The following CACNA2D3 variants were observed in gnomAD, a reference collection of about 807,000 sequenced individuals.
CACNA2D3 encodes the protein calcium voltage-gated channel auxiliary subunit alpha2delta 3, also known as voltage-dependent calcium channel subunit alpha-2/delta-3.
Under a neutral mutation model 160.6 loss-of-function variants are expected in CACNA2D3, and 60 were observed. The observed-to-expected ratio is 0.37, with a 90% CI of 0.30 to 0.46. The LOEUF is 0.46. CACNA2D3 is among the 20% of genes least tolerant of loss of function. CACNA2D3 has a pLI of 1.00. For missense variants in CACNA2D3, 1,205 were observed against 1,365.0 expected, an observed-to-expected ratio of 0.88 and a Z score of 1.85; for synonymous variants, 558 against 492.9, an observed-to-expected ratio of 1.13 and a Z score of -1.75.
At chr3:54,993,046 AG>A (rs1702776840) in intron 31 of CACNA2D3, among the ~76,000 whole-genome samples, 1 of 152,168 alleles carries the variant, frequency 6.6e-6, no homozygotes, top group African/African-American at 2.4e-5. Flanking sequence ...AGCAGTACCA[AG>A]GGGGGAAATC....
rs148597553 is a variant in CACNA2D3 at position 54,321,714 on chromosome 3, C to T, written c.321+1156C>T. On this transcript the variant is annotated intron_variant, in intron 3 of 37. Transcript: ENST00000474759. Reference sequence around the variant, plus strand: ...CCCCAGTCATAATGACCCCAGAGTCCGCATTCTTTACTGCCGCCTTGCTTT... The same window carrying T: ...CCCCAGTCATAATGACCCCAGAGTCTGCATTCTTTACTGCCGCCTTGCTTT... Among the ~76,000 whole-genome samples the T allele has an allele frequency of 1.3e-3, 196 of 152,164 alleles. 3 individuals carry two copies. The highest frequency in any genetic ancestry group is 4.5e-3 in the African/African-American group (185 of 41,518).
intron 35 of CACNA2D3, among the ~76,000 whole-genome samples, chr3:55,024,043 T>A: frequency 8.0e-6 from 1 of 124,576 alleles, no homozygotes; most frequent in South Asian, 3.1e-4. Flanking sequence ...TTGCCCAGTC[T>A]ACCATGTTAT....
intron 11 of CACNA2D3, among the ~76,000 whole-genome samples, chr3:54,739,112 C>T (rs1251932986): frequency 1.3e-5 from 2 of 151,304 alleles, no homozygotes; most frequent in Non-Finnish European, 2.9e-5. Flanking sequence ...GCCTAGGTGA[C>T]AGACTGTCTC....
At chr3:54,448,108 C>T (rs776856725) in intron 4 of CACNA2D3, among the ~76,000 whole-genome samples, 4 of 152,130 alleles carry the variant, frequency 2.6e-5, no homozygotes, top group South Asian at 2.1e-4. Flanking sequence ...AGTTCAGTCT[C>T]GTCTTCCTGG....
chr3:54,745,147 G>T (rs1264841402), intron 11 of CACNA2D3, among the ~76,000 whole-genome samples: 1 of 152,154 alleles, frequency 6.6e-6, no homozygotes, highest in Non-Finnish European at 1.5e-5. Context: ...AAGTGCCAAG[G>T]CAAGATGAGT....
At chr3:54,929,854 T>G (rs1367497077) in intron 27 of CACNA2D3, among the ~76,000 whole-genome samples, 1 of 152,160 alleles carries the variant, frequency 6.6e-6, no homozygotes, top group Non-Finnish European at 1.5e-5. Context: ...TGGCCCCCAT[T>G]AGCATTCAAT....
At chr3:54,274,375 A>G (rs1702689988) in intron 2 of CACNA2D3, among the ~76,000 whole-genome samples, 3 of 151,560 alleles carry the variant, frequency 2.0e-5, no homozygotes, top group Admixed American at 1.3e-4. Flanking sequence ...ATGATGAGAG[A>G]TCCTTGAGGC....
intron 4 of CACNA2D3, among the ~76,000 whole-genome samples, chr3:54,475,418 A>C (rs192261662): frequency 2.6e-4 from 40 of 152,314 alleles, no homozygotes; most frequent in Admixed American, 1.4e-3. Context: ...AAATAAGAAT[A>C]AGGGACTGTT....
At chr3:54,827,855 C>G (rs538319605) in intron 14 of CACNA2D3, among the ~76,000 whole-genome samples, 2 of 152,244 alleles carry the variant, frequency 1.3e-5, no homozygotes, top group African/African-American at 4.8e-5. Flanking sequence ...TCTTGTGTAC[C>G]AGGCTCTGTG....
chr3:54,161,414 G>A (rs1274935553), intron 2 of CACNA2D3, among the ~76,000 whole-genome samples: 1 of 152,234 alleles, frequency 6.6e-6, no homozygotes, highest in African/African-American at 2.4e-5. Flanking sequence ...ACATAGGCCT[G>A]TGAACACATG....
intron 13 of CACNA2D3, among the ~76,000 whole-genome samples, chr3:54,802,675 G>A (rs1703020101): frequency 6.6e-6 from 1 of 152,116 alleles, no homozygotes; most frequent in African/African-American, 2.4e-5. Flanking sequence ...AGACTTAAAT[G>A]TCCCTGTCTG....
chr3:54,172,069 C>T (rs549886356), intron 2 of CACNA2D3, among the ~76,000 whole-genome samples: 5 of 152,194 alleles, frequency 3.3e-5, no homozygotes, highest in African/African-American at 7.2e-5. Flanking sequence ...ATTTTCCTTG[C>T]GAGCACTCCT....
At chr3:54,632,182 G>A (rs1699254499) in intron 10 of CACNA2D3, 1 of 152,236 alleles carries the variant, frequency 6.6e-6, no homozygotes, top group South Asian at 2.1e-4. Flanking sequence ...GCTACAGATT[G>A]CAGCAGAGAA....
At chr3:54,788,070 C>G (rs1702674553) in intron 13 of CACNA2D3, among the ~76,000 whole-genome samples, 1 of 152,184 alleles carries the variant, frequency 6.6e-6, no homozygotes, top group South Asian at 2.1e-4. Context: ...TGCTCTGTCC[C>G]CAATACTGTT....
chr3:54,467,880 T>C (rs974717820), intron 4 of CACNA2D3, among the ~76,000 whole-genome samples: 3 of 152,190 alleles, frequency 2.0e-5, no homozygotes, highest in African/African-American at 7.2e-5. Flanking sequence ...GTTTTGAAAG[T>C]TCTTATCACA....
intron 4 of CACNA2D3, among the ~76,000 whole-genome samples, chr3:54,451,229 CTTTTTTTTTTTTTTTTTTTT>C (rs71074970): frequency 9.7e-5 from 5 of 51,732 alleles, no homozygotes; most frequent in Non-Finnish European, 1.6e-4. Context: ...ATATAATAAT[CTTTTTTTTTTTTTTTTTTTT>C]TTTTTTTTTT....
At chr3:54,261,805 A>G (rs888702049) in intron 2 of CACNA2D3, among the ~76,000 whole-genome samples, 3 of 152,218 alleles carry the variant, frequency 2.0e-5, no homozygotes, top group African/African-American at 2.4e-5. Flanking sequence ...TTGTGACCCA[A>G]AATACACAGT....
intron 10 of CACNA2D3, among the ~76,000 whole-genome samples, chr3:54,628,825 G>T (rs963189871): frequency 3.3e-4 from 50 of 152,202 alleles, no homozygotes; most frequent in African/African-American, 1.2e-3. Flanking sequence ...GGCAGGAGGG[G>T]TGACATCAGC....
chr3:54,863,239 G>T (rs2106804483), intron 17 of CACNA2D3, among the ~76,000 whole-genome samples: 1 of 152,322 alleles, frequency 6.6e-6, no homozygotes, highest in South Asian at 2.1e-4. Context: ...TTTAGAGACG[G>T]TTTTGTTTGC....
Sources: gnomAD v4.1 joint callset for allele counts (sites outside exome capture counted in the v4.1 genomes callset) on GRCh38, gnomAD v4.1.1 for gene constraint, MANE v1.5 for transcripts, NCBI Gene and HGNC (gene_info 2026-07-23, HGNC 2026-07-21) for gene names.